Variants in TTC27 observed in about 807,000 individuals in gnomAD.
TTC27 encodes the protein tetratricopeptide repeat domain 27, also known as tetratricopeptide repeat protein 27.
A neutral mutation model predicts 115.9 loss-of-function variants in TTC27; 79 were observed. The observed-to-expected ratio is 0.68, with a 90% CI of 0.57 to 0.82. The LOEUF is 0.82. Among genes scored for constraint, TTC27 ranks in the 40% least tolerant of loss-of-function variants. The probability of loss-of-function intolerance (pLI) is 0.00; values close to 1 mark genes in which losing one functional copy is unlikely to be tolerated. For synonymous variants in TTC27, 401 were observed against 356.0 expected, an observed-to-expected ratio of 1.13 and a Z score of -1.42; for missense variants, 1,054 against 993.1, an observed-to-expected ratio of 1.06 and a Z score of -0.82.
chr2:32,639,434 G>C (rs1216823811), intron 3 of TTC27, among the ~76,000 whole-genome samples: 1 of 151,866 alleles, frequency 6.6e-6, no homozygotes, highest in Non-Finnish European at 1.5e-5. Flanking sequence ...TCTGGTGTGT[G>C]GTCATATGCC....
chr2:32,710,396 G>C (rs1667533407), intron 10 of TTC27, among the ~76,000 whole-genome samples: 1 of 149,234 alleles, frequency 6.7e-6, no homozygotes, highest in Admixed American at 6.6e-5. Context: ...AACTAAAAAA[G>C]TGAATCTTTT....
chr2:32,766,209 A>G (rs145989322), intron 13 of TTC27, among the ~76,000 whole-genome samples: 278 of 152,092 alleles, frequency 1.8e-3, no homozygotes, highest in Admixed American at 4.0e-3. Context: ...ATGGAGTACA[A>G]TTTTCTGTTT....
chr2:32,778,234 A>T (rs1398096773), intron 14 of TTC27, among the ~76,000 whole-genome samples: 1 of 152,222 alleles, frequency 6.6e-6, no homozygotes, highest in South Asian at 2.1e-4. Flanking sequence ...GCAAAGTATC[A>T]TATATATTTT....
At chr2:32,674,397 C>T (rs537099640) in intron 8 of TTC27, among the ~76,000 whole-genome samples, 23 of 152,144 alleles carry the variant, frequency 1.5e-4, no homozygotes, top group Admixed American at 4.6e-4. Context: ...GTGATCCGCC[C>T]GCCTCAGCCT....
chr2:32,733,806 A>G (rs1484684622), intron 10 of TTC27, 22 bp from the exon 11 acceptor site: 2 of 1,485,236 alleles, frequency 1.3e-6, no homozygotes, highest in Non-Finnish European at 1.9e-6. Context: ...ATAGATTCTG[A>G]TTGTGATATA....
chr2:32,753,767 T>C (rs1367535256), intron 12 of TTC27, among the ~76,000 whole-genome samples: 2 of 150,682 alleles, frequency 1.3e-5, no homozygotes, highest in African/African-American at 2.4e-5. Flanking sequence ...AACATTCACA[T>C]AGAACTAGTG....
At chr2:32,667,646 C>T (rs1665837296) in intron 7 of TTC27, among the ~76,000 whole-genome samples, 1 of 151,266 alleles carries the variant, frequency 6.6e-6, no homozygotes, top group African/African-American at 2.4e-5. Context: ...GAACTCGCAA[C>T]CTCAGGTGAT....
chr2:32,639,052 T>C (rs1270799374), intron 3 of TTC27, among the ~76,000 whole-genome samples: 1 of 151,972 alleles, frequency 6.6e-6, no homozygotes, highest in East Asian at 1.9e-4. Flanking sequence ...CAGGATGGTC[T>C]TGATCTCCTG....
At chr2:32,698,640 T>C (rs1370687267) in intron 9 of TTC27, among the ~76,000 whole-genome samples, 2 of 151,756 alleles carry the variant, frequency 1.3e-5, no homozygotes, top group Non-Finnish European at 1.5e-5. Flanking sequence ...CCACCACGCC[T>C]GGCTAATTTT....
chr2:32,784,584 G>A (rs1455706720), intron 15 of TTC27, among the ~76,000 whole-genome samples: 5 of 152,084 alleles, frequency 3.3e-5, no homozygotes, highest in Non-Finnish European at 5.9e-5. Flanking sequence ...GTCTATATTC[G>A]GATGTAATTT....
chr2:32,738,209 G>A (rs1164412852), intron 12 of TTC27, among the ~76,000 whole-genome samples: 4 of 152,128 alleles, frequency 2.6e-5, no homozygotes. Flanking sequence ...CTGGTCTCTG[G>A]CTGCCGGTAG....
intron 10 of TTC27, among the ~76,000 whole-genome samples, chr2:32,708,982 C>G (rs1293796885): frequency 6.6e-6 from 1 of 152,106 alleles, no homozygotes; most frequent in African/African-American, 2.4e-5. Context: ...AAGTCATATG[C>G]TGATTTGTGA....
At chr2:32,648,187 G>C (rs973171841) in intron 4 of TTC27, among the ~76,000 whole-genome samples, 14 of 152,180 alleles carry the variant, frequency 9.2e-5, no homozygotes, top group Non-Finnish European at 7.4e-5. Flanking sequence ...GAGTGCAGTG[G>C]TGCAATCTTG....
intron 10 of TTC27, among the ~76,000 whole-genome samples, chr2:32,705,578 T>C (rs1335010825): frequency 2.0e-5 from 3 of 152,168 alleles, no homozygotes; most frequent in Non-Finnish European, 2.9e-5. Context: ...AGAGACAGGG[T>C]CTTGCTCTGT....
At chr2:32,722,985 C>T (rs1378175789) in intron 10 of TTC27, among the ~76,000 whole-genome samples, 1 of 151,870 alleles carries the variant, frequency 6.6e-6, no homozygotes, top group Non-Finnish European at 1.5e-5. Context: ...AAATATGCAA[C>T]GAGTAGCTTA....
intron 14 of TTC27, among the ~76,000 whole-genome samples, chr2:32,781,388 G>T: frequency 6.6e-6 from 1 of 151,604 alleles, no homozygotes; most frequent in East Asian, 1.9e-4. Context: ...TTTTCCCTTT[G>T]GTTATGAAGG....
intron 3 of TTC27, 82 bp from the exon 4 acceptor site, chr2:32,640,188 A>C (rs1664586889): frequency 7.4e-7 from 1 of 1,347,476 alleles, no homozygotes; most frequent in Admixed American, 2.3e-5. Context: ...AGTTGACTGG[A>C]AAATCTTTGT....
intron 10 of TTC27, among the ~76,000 whole-genome samples, chr2:32,731,539 C>G (rs571033844): frequency 6.6e-6 from 1 of 152,250 alleles, no homozygotes; most frequent in Non-Finnish European, 1.5e-5. Context: ...CCAACCCTGG[C>G]TATTTTTTAA....
At chr2:32,775,333 G>A (rs551260117) in intron 13 of TTC27, among the ~76,000 whole-genome samples, 24 of 152,172 alleles carry the variant, frequency 1.6e-4, no homozygotes, top group African/African-American at 5.3e-4. Flanking sequence ...GAGTACCTGG[G>A]ACTACAGGCG....
Sources: allele counts gnomAD v4.1 joint callset (sites outside exome capture counted in the v4.1 genomes callset), GRCh38; gene constraint gnomAD v4.1.1; transcripts MANE v1.5; gene names NCBI Gene and HGNC (gene_info 2026-07-23, HGNC 2026-07-21).